ZDHHC16: variants seen among roughly 807,000 people sequenced by gnomAD.
ZDHHC16 encodes the protein palmitoyltransferase ZDHHC16.
ZDHHC16 carries 33 observed loss-of-function variants against 54.4 expected under a neutral mutation model. That is an observed-to-expected ratio of 0.61 (90% CI 0.46 to 0.81). The LOEUF is 0.81. ZDHHC16 is among the 30% of genes least tolerant of loss of function. The pLI is 0.00. For synonymous variants in ZDHHC16, 185 were observed against 182.1 expected (o/e 1.02, Z -0.13); for missense variants, 420 against 485.9 (o/e 0.86, Z 1.28).
intron 1 of ZDHHC16, among the ~76,000 whole-genome samples, chr10:97,447,005 G>A (rs1256139475): frequency 3.3e-5 from 5 of 152,114 alleles, no homozygotes; most frequent in Non-Finnish European, 7.4e-5. Context: ...CACTGCCTCC[G>A]GCCTTTTCCC....
Position 97,455,774 on chromosome 10 carries a change from C to A in ZDHHC16, c.939C>A (p.Ala313=). 6.2e-7 allele frequency: 1 copy of A among 1,614,062 alleles called. No individual in the cohort carries two copies. Among genetic ancestry groups the A allele is most frequent in the South Asian group, 1.1e-5 (1 of 91,064 alleles). The stretch of plus-strand genomic sequence containing the variant: ...AGAAGGAGAGACGTCGGCTACAGGC[C>A]AAGGGCAGAGTGAGTAGGGTTGAAG... ...INKKERRRLQ[A]KGRVFRNPYN... is the part of the protein sequence containing the mutation. The change falls in exon 10 of 12, where the codon GCC becomes GCA. Residue 313 remains alanine, a synonymous_variant. Transcript: ENST00000393760.
chr10:97,455,928 T>C lies in ZDHHC16; in HGVS notation c.949-46T>C, dbSNP rs781485379. The C allele has an allele frequency of 1.9e-6, 3 of 1,612,456 alleles. No homozygotes were observed. In the African/African-American group the frequency reaches 4.0e-5, roughly 22 times the overall value. On this transcript the variant is annotated intron_variant, in intron 10 of 11. Transcript: ENST00000393760. ...CTGAGCTTTAGCTTAGCCAATTTAG[T>C]CTGAAAAATTAGAAGTTCAAAGAAA... is the stretch of plus-strand genomic sequence containing the variant.
intron 1 of ZDHHC16, among the ~76,000 whole-genome samples, chr10:97,449,520 T>C (rs936330543): frequency 1.3e-5 from 2 of 152,078 alleles, no homozygotes; most frequent in African/African-American, 4.8e-5. Context: ...GGGGTGGAAG[T>C]TTGAGCGTGA....
Position 97,452,515 on chromosome 10 carries a change from C to CTT in ZDHHC16, c.527+14_527+15dup, listed in dbSNP as rs750638411. On this transcript the variant is annotated intron_variant, in intron 5 of 11. Transcript: ENST00000393760. ...AGCATCTGCAACAGGTGGGTCTTGG[C>CTT]TTTGCTCTCTGGGAATCCCAGCTGT... The CTT allele has an allele frequency of 3.7e-6, 6 of 1,611,998 alleles. No individual in the cohort carries two copies. The Admixed American group carries it at 1.0e-4, about 27-fold the overall frequency.
At chr10:97,456,400 G>A (rs1489596142) in intron 11 of ZDHHC16, 1 of 315,610 alleles carries the variant, frequency 3.2e-6, no homozygotes, top group Non-Finnish European at 5.8e-6. Flanking sequence ...TGTCATAGAG[G>A]CCCTAAGACA....
chr10:97,452,338 A>G, intron 4 of ZDHHC16, 54 bp downstream of exon 4: 2 of 1,611,946 alleles, frequency 1.2e-6, no homozygotes, highest in Admixed American at 3.3e-5. Context: ...AGCTGGTCCC[A>G]GGAGTGGGGA....
intron 7 of ZDHHC16, 58 bp downstream of exon 7, chr10:97,453,721 G>A: frequency 6.2e-7 from 1 of 1,614,156 alleles, no homozygotes; most frequent in Non-Finnish European, 8.5e-7. Context: ...TGTAGAACCT[G>A]TCCCTAAGGA....
In ZDHHC16 at chr10:97,457,004, G is replaced by A. The variant is rs1847338696; in HGVS notation, c.*113G>A. 2.6e-6 allele frequency: 2 copies of A among 761,962 alleles called. No individual in the cohort carries two copies. Among genetic ancestry groups the A allele is most frequent in the Non-Finnish European group, 4.1e-6 (2 of 492,874 alleles). The allele number at this position is 761,962 out of a possible 1,614,324, so 47.2% of individuals were successfully genotyped here. On this transcript the variant is annotated 3_prime_UTR_variant, in exon 12 of 12. Transcript: ENST00000393760. ...TTGATCAAAAAGAGCCAGTGGGCCT[G>A]CCTTAGGGTACCATGCAGGACAATT...
intron 1 of ZDHHC16, chr10:97,448,070 A>G (rs1846269156): frequency 1.3e-5 from 2 of 152,232 alleles, no homozygotes; most frequent in South Asian, 4.1e-4. Context: ...CTGTGCGTCT[A>G]GGAGCTTTCT....
rs1324410779 is a variant in ZDHHC16 at position 97,451,309 on chromosome 10, GTC to G, written c.-5-360_-5-359del. On this transcript the variant is annotated intron_variant, in intron 2 of 11. Coordinates refer to ENST00000393760, the MANE Select transcript of ZDHHC16 (RefSeq NM_198046.3). ...TTGGCCACACTCCACCCAAAAGTCT[GTC>G]TACACAGACAACTCCTAAGACTGCT... 2.2e-5 allele frequency: 5 copies of G among 230,348 alleles called. No homozygotes were observed. The Admixed American group carries it at 2.6e-4, about 12-fold the overall frequency. 14.3% of individuals were successfully genotyped at this position (230,348 alleles called of 1,614,324 possible). A position where few individuals can be genotyped will look rare whatever the true frequency, so the allele number is the denominator to read the frequency against.
chr10:97,453,427 C>T lies in ZDHHC16; in HGVS notation c.557-103C>T. On this transcript the variant is annotated intron_variant, in intron 6 of 11. Transcript: ENST00000393760. ...AAAGTAGTTCTTAGTGACTGGAAGC[C>T]TGAGGCTTGGGTGATATTGTCAGGA... is the stretch of plus-strand genomic sequence containing the variant. 4 of 1,486,016 alleles carry T rather than the reference C, an allele frequency of 2.7e-6. No homozygotes were observed. In the Admixed American group the frequency reaches 8.0e-5, roughly 30 times the overall value. The allele number at this position is 1,486,016 out of a possible 1,614,324, so 92.1% of individuals were successfully genotyped here.
intron 5 of ZDHHC16, 123 bp from the exon 6 acceptor site, chr10:97,452,771 TG>T: frequency 7.5e-7 from 1 of 1,326,942 alleles, no homozygotes; most frequent in Non-Finnish European, 1.1e-6. Flanking sequence ...AAGCAAGGCC[TG>T]GCTGTCTTCA....
In ZDHHC16 at chr10:97,451,924, T is replaced by G; in HGVS notation, c.243+6T>G. ...TGATCCGCTGGTTTGGAGTGGTGAGTGATGTCCAGGGAGCAGGAAAAGGGG... is the reference window on the plus strand; with the variant it reads ...TGATCCGCTGGTTTGGAGTGGTGAGGGATGTCCAGGGAGCAGGAAAAGGGG... On this transcript the variant is annotated splice_donor_region_variant and intron_variant, in intron 3 of 11. Transcript: ENST00000393760. The G allele has an allele frequency of 6.2e-7, 1 of 1,606,326 alleles. No homozygotes were observed. The highest frequency in any genetic ancestry group is 8.5e-7 in the Non-Finnish European group (1 of 1,175,316).
chr10:97,448,121 A>C (rs1163179940), intron 1 of ZDHHC16: 1 of 152,226 alleles, frequency 6.6e-6, no homozygotes, highest in Non-Finnish European at 1.5e-5. Flanking sequence ...GCTTGTTTTC[A>C]AAAACGACTT....
At position 97,452,377 on chromosome 10, in the gene ZDHHC16, G is replaced by A; in HGVS notation, c.439-38G>A. 8.1e-6 allele frequency: 13 copies of A among 1,612,074 alleles called. 1 individual carries two copies. In the Middle Eastern group the frequency reaches 2.0e-3, roughly 246 times the overall value. ...TATCTTGGTATAGTTTTGAGAGACA[G>A]AACTGGTGCTGCCACGTTATGCTCT... On this transcript the variant is annotated intron_variant, in intron 4 of 11. Transcript: ENST00000393760.
intron 10 of ZDHHC16, 54 bp downstream of exon 10, chr10:97,455,837 C>T: frequency 6.2e-7 from 1 of 1,606,272 alleles, no homozygotes; most frequent in Non-Finnish European, 8.5e-7. Context: ...ACTTGCTCTC[C>T]TGTAAACAGA....
In ZDHHC16 at chr10:97,455,764, G is replaced by A. The variant is rs769360458; in HGVS notation, c.929G>A (p.Arg310Gln). 47 of 1,613,994 alleles carry A rather than the reference G, an allele frequency of 2.9e-5. No individual in the cohort carries two copies. The highest frequency in any genetic ancestry group is 3.4e-5 in the Non-Finnish European group (40 of 1,180,000). ...CACATCAACAAGAAGGAGAGACGTC[G>A]GCTACAGGCCAAGGGCAGAGTGAGT... ...ERHINKKERR[R>Q]LQAKGRVFRN... The change falls in exon 10 of 12, where the codon CGG (arginine) becomes CAG (glutamine). Residue 310 changes from arginine (R) to glutamine (Q), a missense_variant. By Grantham distance (43) the Arg-to-Gln change is conservative. Transcript: ENST00000393760.
At chr10:97,453,887 TGGGGGTATAGA>T (rs772882879) in intron 8 of ZDHHC16, 41 bp downstream of exon 8, 10 of 1,613,410 alleles carry the variant, frequency 6.2e-6, no homozygotes, top group Non-Finnish European at 7.6e-6. Context: ...TGCTCAGGCC[TGGGGGTATAGA>T]GTTGCTAAGG....
At chr10:97,451,981 C>A in intron 3 of ZDHHC16, 63 bp downstream of exon 3, 1 of 1,591,402 alleles carries the variant, frequency 6.3e-7, no homozygotes, top group Non-Finnish European at 8.6e-7. Context: ...ATGTCTCTCA[C>A]AGACCCAACC....
Sources: gnomAD v4.1 joint callset for allele counts (sites outside exome capture counted in the v4.1 genomes callset) on GRCh38, gnomAD v4.1.1 for gene constraint, MANE v1.5 for transcripts, NCBI Gene and HGNC (gene_info 2026-07-23, HGNC 2026-07-21) for gene names.